MRPS14: variants seen among roughly 807,000 people sequenced by gnomAD.
MRPS14 encodes the protein mitochondrial ribosomal protein S14.
Under a neutral mutation model 16.4 loss-of-function variants are expected in MRPS14, and 14 were observed. The observed-to-expected ratio is 0.85, with a 90% CI of 0.56 to 1.33. The LOEUF is 1.33. Ranked by LOEUF, MRPS14 falls within the 40% of genes most tolerant of loss-of-function variation. The pLI is 0.00. For synonymous variants in MRPS14, 54 were observed against 61.9 expected (o/e 0.87, Z 0.60); for missense variants, 162 against 176.8 (o/e 0.92, Z 0.48).
In MRPS14 at chr1:175,018,462, T is replaced by C; in HGVS notation, c.160A>G (p.Ile54Val). ...ATGGTATTCTTCCTGAGTGAATTAA[T>C]ACGTAGCCTCTCATCTGCGTATTCA... ...AYEYADERLR[I>V]NSLRKNTILP... Residue 54 changes from isoleucine to valine, a missense_variant, in exon 2 of 3, where the codon ATT becomes GTT. By Grantham distance (29) the Ile-to-Val change is conservative. Coordinates refer to ENST00000476371, the MANE Select transcript of MRPS14 (RefSeq NM_022100.3). The C allele has an allele frequency of 6.2e-7, 1 of 1,611,062 alleles. No homozygotes were observed. The highest frequency in any genetic ancestry group is 8.5e-7 in the Non-Finnish European group (1 of 1,179,290).
At position 175,019,447 on chromosome 1, in the gene MRPS14, G is replaced by GT. The variant is rs202132309; in HGVS notation, c.46-872dup. 1.0e-2 allele frequency among the ~76,000 whole-genome samples: 1,510 copies of GT among 151,570 alleles called. 23 individuals carry two copies. The highest frequency in any genetic ancestry group is 0.035 in the African/African-American group (1,438 of 41,262). ...CAGGTGCCCGCCACCACACCTGGCT[G>GT]TTTTTTTTGTTTTGTTTTTTGTATT... On this transcript the variant is annotated intron_variant, in intron 1 of 2. Coordinates refer to ENST00000476371, the MANE Select transcript of MRPS14 (RefSeq NM_022100.3).
chr1:175,014,237 G>A lies in MRPS14; in HGVS notation c.*432C>T, dbSNP rs1268279918. The A allele has an allele frequency of 1.2e-5, 3 of 246,230 alleles. No homozygotes were observed. The highest frequency in any genetic ancestry group is 2.3e-5 in the Non-Finnish European group (3 of 130,582). 15.3% of individuals were successfully genotyped at this position (246,230 alleles called of 1,614,324 possible). A position where few individuals can be genotyped will look rare whatever the true frequency, so the allele number is the denominator to read the frequency against. Reference sequence around the variant, plus strand: ...TTTATCTAACAATAATAGTTAAGGGGAGCTCTGCAGGTCAGCAAAGCTAGT... The same window carrying A: ...TTTATCTAACAATAATAGTTAAGGGAAGCTCTGCAGGTCAGCAAAGCTAGT... On this transcript the variant is annotated 3_prime_UTR_variant, in exon 3 of 3. Transcript: ENST00000476371.
chr1:175,021,078 T>G (rs1672971214), intron 1 of MRPS14, among the ~76,000 whole-genome samples: 1 of 152,220 alleles, frequency 6.6e-6, no homozygotes, highest in Non-Finnish European at 1.5e-5. Context: ...TGTAGCTCCT[T>G]TTTCTTCCAT....
intron 1 of MRPS14, among the ~76,000 whole-genome samples, chr1:175,022,863 A>G (rs780794405): frequency 3.3e-5 from 5 of 151,828 alleles, no homozygotes; most frequent in Non-Finnish European, 7.4e-5. Flanking sequence ...GCTGTGATTA[A>G]GGTCCCAACA....
intron 2 of MRPS14, among the ~76,000 whole-genome samples, chr1:175,017,581 T>C (rs180786900): frequency 6.6e-6 from 1 of 152,304 alleles, no homozygotes; most frequent in African/African-American, 2.4e-5. Flanking sequence ...TTAATTTATA[T>C]CTCCCTGATG....
rs1672814569 is a variant in MRPS14 at position 175,013,299 on chromosome 1, GC to G, written c.*1369del. 1 of 152,270 alleles carries G rather than the reference GC, an allele frequency of 6.6e-6. No individual in the cohort carries two copies. Among genetic ancestry groups the G allele is most frequent in the South Asian group, 2.1e-4 (1 of 4,818 alleles). 9.4% of individuals were successfully genotyped at this position (152,270 alleles called of 1,614,324 possible). A position where few individuals can be genotyped will look rare whatever the true frequency, so the allele number is the denominator to read the frequency against. On this transcript the variant is annotated 3_prime_UTR_variant, in exon 3 of 3. Transcript: ENST00000476371. ...CACCGCATGACTGGAACCTGAACTC[GC>G]TTATCTTCTGTTTCCCCTAAATTTG... is the stretch of plus-strand genomic sequence containing the variant.
rs1433931908 is a variant in MRPS14, at chr1:175,014,858, G to A, written c.205-7C>T. ...TTTCTTCATCAGCCACATCCTAAGG[G>A]AAATCACATTATTACACAGATCACA... On this transcript the variant is annotated splice_region_variant and splice_polypyrimidine_tract_variant and intron_variant, in intron 2 of 2. Transcript: ENST00000476371. 1 of 1,613,430 alleles carries A rather than the reference G, an allele frequency of 6.2e-7. No homozygotes were observed. Among genetic ancestry groups the A allele is most frequent in the Non-Finnish European group, 8.5e-7 (1 of 1,179,744 alleles).
In MRPS14 at chr1:175,013,986, A is replaced by G. The variant is rs1226799313; in HGVS notation, c.*683T>C. 6.6e-6 allele frequency: 1 copy of G among 152,222 alleles called. No homozygotes were observed. The highest frequency in any genetic ancestry group is 1.5e-5 in the Non-Finnish European group (1 of 68,052). The allele number at this position is 152,222 out of a possible 1,614,324, so 9.4% of individuals were successfully genotyped here. A position where few individuals can be genotyped will look rare whatever the true frequency, so the allele number is the denominator to read the frequency against. On this transcript the variant is annotated 3_prime_UTR_variant, in exon 3 of 3. Coordinates refer to ENST00000476371, the MANE Select transcript of MRPS14 (RefSeq NM_022100.3). ...TGAATGAGAACTTTGTGCTACCCTT[A>G]CTCATTTCTGTTATGGATTAAATAA...
intron 1 of MRPS14, among the ~76,000 whole-genome samples, chr1:175,020,565 A>G (rs1194010293): frequency 1.3e-5 from 2 of 151,694 alleles, no homozygotes; most frequent in East Asian, 1.9e-4. Context: ...CTGGAGTGCA[A>G]TGACGCGATC....
intron 1 of MRPS14, chr1:175,022,443 CTTTTTTT>C (rs528474110): frequency 1.0e-4 from 14 of 136,994 alleles, no homozygotes; most frequent in Non-Finnish European, 1.9e-4. Context: ...GCCTCTCTCT[CTTTTTTT>C]TTTTTTTTTT....
At chr1:175,014,900 G>GTAT in intron 2 of MRPS14, 49 bp from the exon 3 acceptor site, 1 of 1,351,900 alleles carries the variant, frequency 7.4e-7, no homozygotes, top group Non-Finnish European at 1.0e-6. Context: ...TGTTGCACAT[G>GTAT]TATTTTGCTC....
At chr1:175,018,598 C>T (rs755349414) in intron 1 of MRPS14, 22 bp from the exon 2 acceptor site, 1 of 1,569,650 alleles carries the variant, frequency 6.4e-7, no homozygotes, top group South Asian at 1.2e-5. Flanking sequence ...AGACAAGGGA[C>T]AAGTGAAGGA....
In MRPS14 at chr1:175,018,689, A is replaced by G. The variant is rs182334113; in HGVS notation, c.46-113T>C. ...ATTTATCATTTAGTATTCTTTTAAG[A>G]GTTGTTTTAGATCAGTTTAATAGTT... On this transcript the variant is annotated intron_variant, in intron 1 of 2. Coordinates refer to ENST00000476371, the MANE Select transcript of MRPS14 (RefSeq NM_022100.3). The G allele has an allele frequency of 3.0e-6, 3 of 1,006,898 alleles. No individual in the cohort carries two copies. The African/African-American group carries it at 4.9e-5, about 16-fold the overall frequency. The allele number at this position is 1,006,898 out of a possible 1,614,324, so 62.4% of individuals were successfully genotyped here.
chr1:175,017,774 C>T lies in MRPS14; in HGVS notation c.204+644G>A, dbSNP rs766145934. 3.5e-4 allele frequency among the ~76,000 whole-genome samples: 53 copies of T among 152,224 alleles called. 1 individual carries two copies. The highest frequency in any genetic ancestry group is 8.3e-4 in the South Asian group (4 of 4,828). On this transcript the variant is annotated intron_variant, in intron 2 of 2. Transcript: ENST00000476371. ...GCTAGGTAAGGAACAGTTTAGGCCG[C>T]GTACCAGGCACACAGACTTCAACAT...
chr1:175,022,405 G>A, intron 1 of MRPS14: 1 of 149,236 alleles, frequency 6.7e-6, no homozygotes, highest in South Asian at 2.1e-4. Context: ...AGGTTCCTAA[G>A]ACCAAACTTC....
chr1:175,018,401 CATCTT>C lies in MRPS14; in HGVS notation c.204+12_204+16del, dbSNP rs750064216. 7.6e-6 allele frequency: 12 copies of C among 1,579,834 alleles called. No individual in the cohort carries two copies. In the Middle Eastern group the frequency reaches 5.0e-4, roughly 66 times the overall value. ...AATGATCTTGTGGTACAAAGGGACT[CATCTT>C]AATTAGCTAACCTGAAGAATTTTTG... is the stretch of plus-strand genomic sequence containing the variant. On this transcript the variant is annotated intron_variant, in intron 2 of 2. Transcript: ENST00000476371.
At position 175,013,665 on chromosome 1, in the gene MRPS14, CTG is replaced by C. The variant is rs1450975325; in HGVS notation, c.*1002_*1003del. On this transcript the variant is annotated 3_prime_UTR_variant, in exon 3 of 3. Coordinates refer to ENST00000476371, the MANE Select transcript of MRPS14 (RefSeq NM_022100.3). ...TGATGTCATTCCTGTGCTTAAAACT[CTG>C]TAATACCTGGTATGTCAGTCTTAAT... is the stretch of plus-strand genomic sequence containing the variant. 2 of 152,172 alleles carry C rather than the reference CTG, an allele frequency of 1.3e-5. No homozygotes were observed. The highest frequency in any genetic ancestry group is 1.5e-5 in the Non-Finnish European group (1 of 68,026). The allele number at this position is 152,172 out of a possible 1,614,324, so 9.4% of individuals were successfully genotyped here.
intron 1 of MRPS14, chr1:175,022,527 T>A (rs939112266): frequency 6.6e-6 from 1 of 151,360 alleles, no homozygotes; most frequent in Admixed American, 6.6e-5. Flanking sequence ...AACAAATAAA[T>A]CTGTAACTGG....
intron 2 of MRPS14, among the ~76,000 whole-genome samples, chr1:175,017,057 CT>C (rs144706762): frequency 1.5e-4 from 22 of 148,202 alleles, no homozygotes; most frequent in African/African-American, 3.0e-4. Context: ...GCCCCCTGCC[CT>C]TTTTTTTTTG....
Sources: allele counts gnomAD v4.1 joint callset (sites outside exome capture counted in the v4.1 genomes callset), GRCh38; gene constraint gnomAD v4.1.1; transcripts MANE v1.5; gene names NCBI Gene and HGNC (gene_info 2026-07-23, HGNC 2026-07-21).